The following KDM4C variants were observed in gnomAD, a reference collection of about 807,000 sequenced individuals.
The protein encoded by KDM4C is lysine-specific demethylase 4C.
Under a neutral mutation model 129.3 loss-of-function variants are expected in KDM4C, and 81 were observed. The ratio of observed to expected loss-of-function variants is 0.63; its 90% confidence interval spans 0.52 to 0.75. KDM4C has a LOEUF of 0.75. KDM4C is among the 30% of genes least tolerant of loss of function. The pLI is 0.00. For missense variants in KDM4C, 1,457 were observed against 1,304.0 expected (o/e 1.12, Z -1.81); for synonymous variants, 573 against 456.1 (o/e 1.26, Z -3.26).
intron 1 of KDM4C, among the ~76,000 whole-genome samples, chr9:6,766,465 T>TG (rs756493933): frequency 2.6e-5 from 4 of 152,098 alleles, no homozygotes; most frequent in Non-Finnish European, 4.4e-5. Context: ...CCCCCTTTAG[T>TG]GGGGGTCTCG....
At chr9:6,752,727 C>T (rs915761571), upstream of KDM4C, among the ~76,000 whole-genome samples, 1 of 152,094 alleles carries the variant, frequency 6.6e-6, no homozygotes, top group Non-Finnish European at 1.5e-5. Flanking sequence ...GTTAAAGCAA[C>T]TTCCAAAAAG....
intron 8 of KDM4C, among the ~76,000 whole-genome samples, chr9:6,916,272 A>G (rs10975896): frequency 0.5 from 75,749 of 151,878 alleles, 20,100 homozygotes; most frequent in Non-Finnish European, 0.61. Context: ...TGGGGAGCCT[A>G]TGAGCATTTT....
chr9:6,734,287 G>GTT (rs1817449241), intron 1 of KDM4C, among the ~76,000 whole-genome samples: 1 of 131,440 alleles, frequency 7.6e-6, no homozygotes, highest in Non-Finnish European at 1.6e-5. Flanking sequence ...ACCCATGTTT[G>GTT]GTTTTTTTTT....
intron 8 of KDM4C, chr9:6,925,361 G>A (rs1589135639): frequency 1.0e-6 from 1 of 985,282 alleles, no homozygotes; most frequent in Admixed American, 6.1e-5. Flanking sequence ...TTGGCGAAGA[G>A]AAGCTCAGTT....
intron 4 of KDM4C, among the ~76,000 whole-genome samples, chr9:6,827,763 G>T (rs773718878): frequency 6.6e-6 from 1 of 152,190 alleles, no homozygotes; most frequent in African/African-American, 2.4e-5. Context: ...AGGTTTTGAC[G>T]CAGAGAGAGA....
chr9:6,889,333 C>T (rs1402633495), intron 7 of KDM4C, among the ~76,000 whole-genome samples: 1 of 150,890 alleles, frequency 6.6e-6, no homozygotes, highest in Non-Finnish European at 1.5e-5. Context: ...TTCCCTGCTC[C>T]CTCATAAACT....
rs1350734746 is a variant in KDM4C, at chr9:7,049,173, C to G, written c.2397C>G (p.Gly799=). 8.1e-6 allele frequency: 13 copies of G among 1,607,522 alleles called. No homozygotes were observed. Among genetic ancestry groups the G allele is most frequent in the African/African-American group, 1.3e-5 (1 of 74,684 alleles). ...CAGAAAGGACACAAATAGATGTAGG[C>G]AGAATACCTTTACAGAGGTTAAAAT... ...NVPERTQIDV[G]RIPLQRLKLK... Residue 799 remains glycine, a synonymous_variant, in exon 17 of 22, where the codon GGC becomes GGG. Transcript: ENST00000381309.
chr9:7,128,136 A>G lies in KDM4C; in HGVS notation c.2681A>G (p.Tyr894Cys). Reference sequence around the variant, plus strand: ...ATCACGAAGCATCGGAACACCCGGTATTACAGTTGCAGAGTGATGGCTGTG... The same window carrying G: ...ATCACGAAGCATCGGAACACCCGGTGTTACAGTTGCAGAGTGATGGCTGTG... ...TVITKHRNTR[Y>C]YSCRVMAVTS... Residue 894 changes from tyrosine to cysteine, a missense_variant, in exon 19 of 22, where the codon TAT becomes TGT. Physicochemically the swap from Tyr to Cys is radical, Grantham distance 194. Transcript: ENST00000381309. 1.1e-5 allele frequency: 18 copies of G among 1,613,222 alleles called. No homozygotes were observed. Among genetic ancestry groups the G allele is most frequent in the Non-Finnish European group, 1.5e-5 (18 of 1,179,668 alleles).
intron 19 of KDM4C, among the ~76,000 whole-genome samples, chr9:7,158,437 G>T (rs1017766177): frequency 6.6e-6 from 1 of 151,586 alleles, no homozygotes; most frequent in African/African-American, 2.4e-5. Context: ...GTGATGTTAG[G>T]GTGTCGATTT....
At chr9:6,966,083 A>T (rs754914548) in intron 8 of KDM4C, among the ~76,000 whole-genome samples, 10 of 152,240 alleles carry the variant, frequency 6.6e-5, no homozygotes, top group African/African-American at 1.2e-4. Flanking sequence ...TTGCATTTAG[A>T]TGGAAGTAAG....
In KDM4C at chr9:6,759,214, C is replaced by G. The variant is rs1818902041; in HGVS notation, c.-18+1011C>G. Among the ~76,000 whole-genome samples, 3 of 152,102 alleles carry G rather than the reference C, an allele frequency of 2.0e-5. No homozygotes were observed. In the South Asian group the frequency reaches 6.2e-4, roughly 32 times the overall value. On this transcript the variant is annotated intron_variant, in intron 1 of 21. Coordinates refer to ENST00000381309, the MANE Select transcript of KDM4C (RefSeq NM_015061.6). ...TCCTGGTGAAAGTTACTAGTAGGTT[C>G]CGGCCACTTAGGTTCACACTAAACT...
At chr9:6,765,221 T>G (rs1285240157) in intron 1 of KDM4C, among the ~76,000 whole-genome samples, 3 of 152,176 alleles carry the variant, frequency 2.0e-5, no homozygotes, top group Non-Finnish European at 2.9e-5. Context: ...ATCTAGATGG[T>G]TTTTCATGTT....
Position 6,799,648 on chromosome 9 carries a change from T to C in KDM4C, c.145-5951T>C, listed in dbSNP as rs868707784. On this transcript the variant is annotated intron_variant, in intron 2 of 21. Coordinates refer to ENST00000381309, the MANE Select transcript of KDM4C (RefSeq NM_015061.6). Reference sequence around the variant, plus strand: ...GAGGGCTCTTTTTTCTTTTCTTTTTTTTTTTTTTTTTTACAAAACAGAAAA... The same window carrying C: ...GAGGGCTCTTTTTTCTTTTCTTTTTCTTTTTTTTTTTTACAAAACAGAAAA... 5.0e-3 allele frequency among the ~76,000 whole-genome samples: 743 copies of C among 148,236 alleles called. 9 individuals are homozygous for C. Among genetic ancestry groups the C allele is most frequent in the African/African-American group, 0.018 (709 of 40,022 alleles).
chr9:6,731,102 C>T (rs1390529460), intron 1 of KDM4C, among the ~76,000 whole-genome samples: 3 of 152,022 alleles, frequency 2.0e-5, no homozygotes, highest in South Asian at 4.1e-4. Flanking sequence ...TCACTATCAC[C>T]GTCATAAATG....
chr9:6,886,528 GTCA>G (rs1245995572), intron 6 of KDM4C, among the ~76,000 whole-genome samples: 2 of 126,202 alleles, frequency 1.6e-5, no homozygotes, highest in Non-Finnish European at 3.2e-5. Context: ...GTCTTACTCT[GTCA>G]TCCAGGCTGG....
intron 4 of KDM4C, among the ~76,000 whole-genome samples, chr9:6,842,057 C>T (rs1189811601): frequency 6.6e-6 from 1 of 152,146 alleles, no homozygotes; most frequent in African/African-American, 2.4e-5. Flanking sequence ...TGTTAGGTTC[C>T]TACCACTTGT....
intron 1 of KDM4C, among the ~76,000 whole-genome samples, chr9:6,781,363 A>G (rs535112850): frequency 6.6e-6 from 1 of 151,418 alleles, no homozygotes; most frequent in South Asian, 2.1e-4. Flanking sequence ...CAACTGATCA[A>G]TACATAATCT....
At chr9:6,759,962 T>TATAAATAAATAAATAA (rs34081778) in intron 1 of KDM4C, among the ~76,000 whole-genome samples, 5 of 143,046 alleles carry the variant, frequency 3.5e-5, no homozygotes, top group African/African-American at 1.3e-4. Context: ...AAAGTAAAAA[T>TATAAATAAATAAATAA]ATAAATAAAT....
intron 17 of KDM4C, among the ~76,000 whole-genome samples, chr9:7,055,903 G>A (rs1460610468): frequency 6.6e-6 from 1 of 152,118 alleles, no homozygotes; most frequent in East Asian, 1.9e-4. Flanking sequence ...ATTTGACAGG[G>A]CCTCTGTTAA....
Sources: allele counts gnomAD v4.1 joint callset (sites outside exome capture counted in the v4.1 genomes callset), GRCh38; gene constraint gnomAD v4.1.1; transcripts MANE v1.5; gene names NCBI Gene and HGNC (gene_info 2026-07-23, HGNC 2026-07-21).